PTPRK: variants seen among roughly 807,000 people sequenced by gnomAD.
The protein encoded by PTPRK is protein tyrosine phosphatase receptor type K.
A neutral mutation model predicts 178.0 loss-of-function variants in PTPRK; 75 were observed. The ratio of observed to expected loss-of-function variants is 0.42; its 90% CI spans 0.35 to 0.51. The LOEUF is 0.51. Among genes scored for constraint, PTPRK ranks in the 20% least tolerant of loss-of-function variants. The pLI, the probability that PTPRK is intolerant of heterozygous loss-of-function variation, is 0.02. For missense variants in PTPRK, 1,441 were observed against 1,797.8 expected, an observed-to-expected ratio of 0.80 and a Z score of 3.59; for synonymous variants, 637 against 620.6, an observed-to-expected ratio of 1.03 and a Z score of -0.39.
At chr6:128,087,930 T>C (rs1313367161) in intron 8 of PTPRK, among the ~76,000 whole-genome samples, 2 of 152,184 alleles carry the variant, frequency 1.3e-5, no homozygotes, top group Non-Finnish European at 2.9e-5. Flanking sequence ...TTTGAAATTA[T>C]AAGTATTTGT....
rs1336779218 is a variant in PTPRK at position 128,240,036 on chromosome 6, T to C, written c.692A>G (p.Gln231Arg). 1 of 1,612,800 alleles carries C rather than the reference T, an allele frequency of 6.2e-7. No individual in the cohort carries two copies. The highest frequency in any genetic ancestry group is 8.5e-7 in the Non-Finnish European group (1 of 1,179,070). ...GCTCAGCTGCCAACTTGGCCTTACC[T>C]GGAGCCATAACTTGTTATGCACAGC... ...RDAVHNKLWL[Q>R]RRNGEDIPVA... Residue 231 changes from glutamine to arginine, a missense_variant and splice_region_variant, in exon 5 of 30, where the codon CAG becomes CGG. Physicochemically the swap from Gln to Arg is conservative, Grantham distance 43. This residue lies in a region of PTPRK where 945 missense variants were observed against 1,080.6 expected (regional missense o/e 0.87). Transcript: ENST00000368226.
chr6:127,981,131 AT>A lies in PTPRK; in HGVS notation c.3695del (p.Asn1232MetfsTer25). On this transcript the variant is annotated frameshift_variant, in exon 25 of 30. Transcript: ENST00000368226. LOFTEE classifies it high-confidence loss of function. ...AGTCTCTTACGTCCATAAGAGCAGC[AT>A]TGATGTAGTTACTGCTCTCCCCATC... ...TIDGESSNYINAALMDSYRQP... is the reference protein window; with the variant it reads ...TIDGESSNYIXAALMDSYRQP... The A allele has an allele frequency of 6.2e-7, 1 of 1,613,992 alleles. No homozygotes were observed. Among genetic ancestry groups the A allele is most frequent in the Non-Finnish European group, 8.5e-7 (1 of 1,179,962 alleles).
chr6:128,341,324 C>CTCAT (rs1831628946), intron 2 of PTPRK, among the ~76,000 whole-genome samples: 1 of 151,966 alleles, frequency 6.6e-6, no homozygotes, highest in South Asian at 2.1e-4. Context: ...TTCAAAAAGC[C>CTCAT]TCATGTAACT....
chr6:128,100,639 CTAAT>C (rs1788627437), intron 7 of PTPRK, among the ~76,000 whole-genome samples: 1 of 151,806 alleles, frequency 6.6e-6, no homozygotes, highest in African/African-American at 2.4e-5. Flanking sequence ...TTTCAATATT[CTAAT>C]TGATTATATC....
chr6:128,345,185 T>C (rs1271684224), intron 2 of PTPRK, among the ~76,000 whole-genome samples: 1 of 152,158 alleles, frequency 6.6e-6, no homozygotes, highest in African/African-American at 2.4e-5. Flanking sequence ...TAGATACATG[T>C]ATTCATACAC....
At chr6:128,380,640 A>G (rs1394985696) in intron 2 of PTPRK, among the ~76,000 whole-genome samples, 1 of 151,990 alleles carries the variant, frequency 6.6e-6, no homozygotes. Flanking sequence ...CTGCAGGTTT[A>G]AAGGAATCTG....
chr6:128,049,424 C>A (rs948568336), intron 13 of PTPRK, among the ~76,000 whole-genome samples: 1 of 152,060 alleles, frequency 6.6e-6, no homozygotes, highest in Non-Finnish European at 1.5e-5. Flanking sequence ...CTTATCAATG[C>A]CCGCTTGCTT....
At chr6:128,381,273 A>AAGGG in intron 2 of PTPRK, among the ~76,000 whole-genome samples, 1 of 152,192 alleles carries the variant, frequency 6.6e-6, no homozygotes, top group African/African-American at 2.4e-5. Flanking sequence ...TTAAGACTTG[A>AAGGG]GAAATAATAA....
At chr6:128,067,292 G>T (rs572766892) in intron 12 of PTPRK, among the ~76,000 whole-genome samples, 1 of 152,076 alleles carries the variant, frequency 6.6e-6, no homozygotes, top group African/African-American at 2.4e-5. Context: ...AGGAAGGCTC[G>T]AGTAGAAGCA....
intron 14 of PTPRK, among the ~76,000 whole-genome samples, chr6:128,006,588 T>C (rs915067415): frequency 6.6e-6 from 1 of 151,046 alleles, no homozygotes; most frequent in African/African-American, 2.4e-5. Flanking sequence ...ATATATACCA[T>C]ATACTATATA....
intron 2 of PTPRK, among the ~76,000 whole-genome samples, chr6:128,366,488 A>C (rs1284388045): frequency 1.3e-5 from 2 of 152,154 alleles, no homozygotes; most frequent in South Asian, 4.1e-4. Context: ...TTTACTAAGC[A>C]TCTATTTGTA....
intron 13 of PTPRK, among the ~76,000 whole-genome samples, chr6:128,060,509 C>T (rs1338950104): frequency 6.6e-6 from 1 of 152,072 alleles, no homozygotes; most frequent in East Asian, 1.9e-4. Context: ...TATATCAACT[C>T]ATTCATTCTG....
chr6:128,369,741 C>T (rs1260516892), intron 2 of PTPRK, among the ~76,000 whole-genome samples: 2 of 152,020 alleles, frequency 1.3e-5, no homozygotes, highest in Non-Finnish European at 2.9e-5. Flanking sequence ...AGTAAATGCT[C>T]TTATGGCATA....
chr6:128,472,410 A>C (rs1850802784), intron 1 of PTPRK, among the ~76,000 whole-genome samples: 1 of 121,124 alleles, frequency 8.3e-6, no homozygotes, highest in African/African-American at 4.0e-5. Flanking sequence ...GAACTCCCTG[A>C]ATTTTTGACA....
intron 2 of PTPRK, among the ~76,000 whole-genome samples, chr6:128,341,955 A>C (rs1831718708): frequency 6.6e-6 from 1 of 152,206 alleles, no homozygotes; most frequent in Non-Finnish European, 1.5e-5. Context: ...AATGGAAGGC[A>C]TAAGAAGGTA....
At chr6:128,093,832 T>C (rs1202030802) in intron 7 of PTPRK, among the ~76,000 whole-genome samples, 1 of 151,938 alleles carries the variant, frequency 6.6e-6, no homozygotes, top group African/African-American at 2.4e-5. Context: ...AGCATAATCT[T>C]AGACCTCAAG....
chr6:128,220,067 A>C (rs911685990), intron 5 of PTPRK, among the ~76,000 whole-genome samples: 1 of 152,246 alleles, frequency 6.6e-6, no homozygotes, highest in African/African-American at 2.4e-5. Flanking sequence ...AGCATATCCC[A>C]GACAAGAGTA....
chr6:128,435,061 G>C (rs866304114), intron 1 of PTPRK, among the ~76,000 whole-genome samples: 1 of 83,920 alleles, frequency 1.2e-5, no homozygotes, highest in African/African-American at 9.5e-5. Flanking sequence ...AGGAAGGAAG[G>C]AAGGAAGGAA....
At chr6:128,066,481 G>A (rs749677798) in intron 12 of PTPRK, among the ~76,000 whole-genome samples, 77 of 126,252 alleles carry the variant, frequency 6.1e-4, no homozygotes, top group Non-Finnish European at 1.1e-3. Flanking sequence ...AAATGCAAAA[G>A]GATTGTTATG....
Sources: gnomAD v4.1 joint callset for allele counts (sites outside exome capture counted in the v4.1 genomes callset) on GRCh38, gnomAD v4.1.1 for gene constraint, gnomAD v4.1.1 regional missense constraint, MANE v1.5 for transcripts, NCBI Gene and HGNC (gene_info 2026-07-23, HGNC 2026-07-21) for gene names.